SLC2A9: variants seen among roughly 807,000 people sequenced by gnomAD.
The protein encoded by SLC2A9 is solute carrier family 2 member 9, also known as solute carrier family 2, facilitated glucose transporter member 9.
SLC2A9 carries 39 observed loss-of-function variants against 50.6 expected under a neutral mutation model. The ratio of observed to expected loss-of-function variants is 0.77; its 90% confidence interval spans 0.60 to 1.01. The LOEUF (loss-of-function observed/expected upper bound fraction) is 1.01, where lower values mean the gene tolerates loss of function less well. Among genes scored for constraint, SLC2A9 ranks in the 50% least tolerant of loss-of-function variants. SLC2A9 has a pLI of 0.00. For missense variants in SLC2A9, 686 were observed against 677.6 expected (o/e 1.01, Z -0.14); for synonymous variants, 324 against 276.9 (o/e 1.17, Z -1.69).
chr4:9,811,597 C>T (rs369366386), intron 3 of SLC2A9, among the ~76,000 whole-genome samples: 2 of 152,192 alleles, frequency 1.3e-5, no homozygotes, highest in South Asian at 4.1e-4. Context: ...CAATCACCTC[C>T]AGCTGACACC....
intron 3 of SLC2A9, among the ~76,000 whole-genome samples, chr4:9,804,818 G>C (rs1018399293): frequency 2.0e-5 from 3 of 152,192 alleles, no homozygotes; most frequent in African/African-American, 7.2e-5. Flanking sequence ...TGTTAGGGTA[G>C]AGTCCACTCA....
At chr4:9,783,168 C>G in intron 3 of SLC2A9, 2 of 1,614,232 alleles carry the variant, frequency 1.2e-6, no homozygotes, top group Non-Finnish European at 1.7e-6. Context: ...CACTTCTGCT[C>G]CCGCACGCCG....
intron 10 of SLC2A9, among the ~76,000 whole-genome samples, chr4:9,847,660 T>A (rs1729200524): frequency 6.6e-6 from 1 of 152,220 alleles, no homozygotes; most frequent in African/African-American, 2.4e-5. Flanking sequence ...GCCGTCAGCA[T>A]CTGAGGTCCA....
chr4:10,004,844 A>G (rs1241403676), intron 2 of SLC2A9, among the ~76,000 whole-genome samples: 1 of 152,208 alleles, frequency 6.6e-6, no homozygotes, highest in Non-Finnish European at 1.5e-5. Context: ...ATGTGTTGGG[A>G]GAACTCGATC....
At chr4:9,819,858 CG>C (rs1428159914) in intron 3 of SLC2A9, among the ~76,000 whole-genome samples, 2 of 151,990 alleles carry the variant, frequency 1.3e-5, no homozygotes, top group East Asian at 3.9e-4. Flanking sequence ...CGCTTGAACC[CG>C]GGAGGCAGAA....
chr4:10,039,839 C>T (rs562927858), intron 1 of SLC2A9, among the ~76,000 whole-genome samples: 2 of 152,274 alleles, frequency 1.3e-5, no homozygotes, highest in South Asian at 4.1e-4. Context: ...TTTAGTTGCT[C>T]AGTTCTAGAT....
chr4:9,800,820 G>A (rs999333998), intron 3 of SLC2A9, among the ~76,000 whole-genome samples: 29 of 152,140 alleles, frequency 1.9e-4, no homozygotes, highest in African/African-American at 6.5e-4. Context: ...CAAATACTAT[G>A]CCATTTTATA....
intron 10 of SLC2A9, among the ~76,000 whole-genome samples, chr4:9,840,275 C>G (rs1727832326): frequency 6.6e-6 from 1 of 152,164 alleles, no homozygotes; most frequent in Admixed American, 6.6e-5. Flanking sequence ...CTCTCCCAAA[C>G]CCTGCAATTC....
chr4:9,782,745 C>A (rs748638689), intron 3 of SLC2A9: 2 of 1,613,920 alleles, frequency 1.2e-6, no homozygotes, highest in Non-Finnish European at 1.7e-6. Context: ...ATCCCCGTTG[C>A]CATCATGATC....
chr4:9,851,579 A>C (rs1474932361), intron 10 of SLC2A9, among the ~76,000 whole-genome samples: 2 of 152,212 alleles, frequency 1.3e-5, no homozygotes, highest in African/African-American at 4.8e-5. Flanking sequence ...CCATAGTGAA[A>C]TGACTGAAAT....
chr4:10,025,990 T>C, upstream of SLC2A9: 2 of 1,612,434 alleles, frequency 1.2e-6, no homozygotes, highest in African/African-American at 2.7e-5. Flanking sequence ...GGTTTTGAAC[T>C]TTTGTTGTTA....
intron 2 of SLC2A9, among the ~76,000 whole-genome samples, chr4:10,011,248 C>T (rs759258554): frequency 2.3e-4 from 35 of 152,142 alleles, no homozygotes; most frequent in Non-Finnish European, 4.7e-4. Flanking sequence ...TCATGCTTTG[C>T]CCAGGCACCA....
chr4:9,892,042 T>G (rs1240967085), intron 8 of SLC2A9, among the ~76,000 whole-genome samples: 1 of 152,240 alleles, frequency 6.6e-6, no homozygotes, highest in East Asian at 1.9e-4. Context: ...CAGTGCCCTC[T>G]ACCTGTTCCT....
At chr4:10,026,506 C>T (rs776525124) in intron 1 of SLC2A9, among the ~76,000 whole-genome samples, 2 of 152,182 alleles carry the variant, frequency 1.3e-5, no homozygotes, top group Non-Finnish European at 2.9e-5. Context: ...AATTCCACCA[C>T]CACATCGATG....
At chr4:10,027,213 G>T (rs1763784935) in intron 1 of SLC2A9, among the ~76,000 whole-genome samples, 1 of 152,204 alleles carries the variant, frequency 6.6e-6, no homozygotes, top group Non-Finnish European at 1.5e-5. Context: ...ATAAGCAGCA[G>T]TTGCCCTTGG....
At chr4:9,940,374 G>A (rs992300376) in intron 6 of SLC2A9, among the ~76,000 whole-genome samples, 4 of 152,200 alleles carry the variant, frequency 2.6e-5, no homozygotes, top group African/African-American at 9.7e-5. Context: ...CTCTGTGCAC[G>A]AGGGGTGTTG....
intron 10 of SLC2A9, among the ~76,000 whole-genome samples, chr4:9,855,793 T>C (rs1296797748): frequency 2.0e-5 from 3 of 150,394 alleles, no homozygotes; most frequent in Non-Finnish European, 3.0e-5. Context: ...GAAAAGAGAG[T>C]CCAGAAAAAA....
intron 2 of SLC2A9, among the ~76,000 whole-genome samples, chr4:10,010,455 A>G (rs1462003039): frequency 6.6e-6 from 1 of 152,194 alleles, no homozygotes; most frequent in East Asian, 1.9e-4. Context: ...GTGTTACCAT[A>G]TGTTCACGGA....
intron 10 of SLC2A9, among the ~76,000 whole-genome samples, chr4:9,870,567 G>C (rs1404370502): frequency 3.3e-5 from 5 of 152,166 alleles, no homozygotes; most frequent in Admixed American, 6.5e-5. Context: ...TTTTCTGGAG[G>C]GTTTTGGCAA....
Sources: allele counts gnomAD v4.1 joint callset (sites outside exome capture counted in the v4.1 genomes callset), GRCh38; gene constraint gnomAD v4.1.1; transcripts MANE v1.5; gene names NCBI Gene and HGNC (gene_info 2026-07-23, HGNC 2026-07-21).